The following CACNA1D variants were observed in gnomAD, a reference collection of about 807,000 sequenced individuals.
CACNA1D encodes voltage-dependent L-type calcium channel subunit alpha-1D.
In CACNA1D, 55 loss-of-function variants were observed where a neutral mutation model predicts 257.1. The observed-to-expected ratio is 0.21, with a 90% CI of 0.17 to 0.27. The LOEUF (loss-of-function observed/expected upper bound fraction) is 0.27, where lower values mean the gene tolerates loss of function less well. Among genes scored for constraint, CACNA1D ranks in the 10% least tolerant of loss-of-function variants. CACNA1D has a pLI of 1.00. For synonymous variants in CACNA1D, 980 were observed against 1,014.9 expected, an observed-to-expected ratio of 0.97 and a Z score of 0.65; for missense variants, 1,876 against 2,784.0, an observed-to-expected ratio of 0.67 and a Z score of 7.34.
chr3:53,769,526 G>C (rs1174049526), intron 30 of CACNA1D, among the ~76,000 whole-genome samples: 5 of 152,228 alleles, frequency 3.3e-5, no homozygotes, highest in Admixed American at 1.3e-4. Flanking sequence ...GTCCAAGGGG[G>C]TTTGTGGCCC....
At chr3:53,661,891 C>T (rs1416435702) in intron 5 of CACNA1D, among the ~76,000 whole-genome samples, 2 of 152,174 alleles carry the variant, frequency 1.3e-5, no homozygotes, top group African/African-American at 2.4e-5. Flanking sequence ...AACTCTCCCC[C>T]AGGTCAGCAG....
intron 32 of CACNA1D, among the ~76,000 whole-genome samples, chr3:53,771,368 A>C (rs2095365389): frequency 6.6e-6 from 1 of 152,228 alleles, no homozygotes; most frequent in South Asian, 2.1e-4. Context: ...AGCTGTCCAA[A>C]GGTATATAAA....
chr3:53,574,796 A>G (rs1265509251), intron 3 of CACNA1D, among the ~76,000 whole-genome samples: 1 of 152,110 alleles, frequency 6.6e-6, no homozygotes, highest in Non-Finnish European at 1.5e-5. Context: ...TGCTTTTGAC[A>G]CGCCAGGAAT....
At chr3:53,562,168 A>G (rs1052903778) in intron 3 of CACNA1D, among the ~76,000 whole-genome samples, 2 of 152,182 alleles carry the variant, frequency 1.3e-5, no homozygotes, top group Non-Finnish European at 2.9e-5. Context: ...GTATTTAGAA[A>G]TCTGTGGAGC....
intron 3 of CACNA1D, among the ~76,000 whole-genome samples, chr3:53,637,517 G>A (rs1482648805): frequency 6.6e-6 from 1 of 152,040 alleles, no homozygotes; most frequent in South Asian, 2.1e-4. Context: ...TAATTAACCA[G>A]CCCTTGCCAC....
At position 53,789,523 on chromosome 3, in the gene CACNA1D, G is replaced by A. The variant is rs964730626; in HGVS notation, c.4923+2571G>A. The stretch of plus-strand genomic sequence containing the variant: ...AGCAGTTAGGAAAATTTGGTGGGAC[G>A]GCAGTGGGAGAGATATACCACCAGT... On this transcript the variant is annotated intron_variant, in intron 40 of 47. Transcript: ENST00000350061. The surrounding 1 kb of genome is among the most constrained non-coding windows in gnomAD (Gnocchi z 4.2). Among the ~76,000 whole-genome samples, 1 of 152,210 alleles carries A rather than the reference G, an allele frequency of 6.6e-6. No individual in the cohort carries two copies. The highest frequency in any genetic ancestry group is 2.4e-5 in the African/African-American group (1 of 41,450).
intron 3 of CACNA1D, among the ~76,000 whole-genome samples, chr3:53,627,964 G>T (rs2093778814): frequency 6.6e-6 from 1 of 151,934 alleles, no homozygotes; most frequent in Non-Finnish European, 1.5e-5. Flanking sequence ...GGTTGTGGTG[G>T]CCCTGAGATC....
intron 3 of CACNA1D, among the ~76,000 whole-genome samples, chr3:53,596,114 G>A (rs145857674): frequency 1.1e-3 from 168 of 152,264 alleles, no homozygotes; most frequent in African/African-American, 3.8e-3. Context: ...AGTAGCGTGT[G>A]TGCTGTATCA....
Position 53,800,007 on chromosome 3 carries a change from G to A in CACNA1D, c.4924-242G>A, listed in dbSNP as rs1050369165. ...AGTGTTCCTTGGAAGTGGGGGTTTTGCAAAGGAGGTTACGGGGTTGCAGGC... is the reference window on the plus strand; with the variant it reads ...AGTGTTCCTTGGAAGTGGGGGTTTTACAAAGGAGGTTACGGGGTTGCAGGC... On this transcript the variant is annotated intron_variant, in intron 40 of 47. Coordinates refer to ENST00000350061, the MANE Select transcript of CACNA1D (RefSeq NM_001128840.3). The surrounding 1 kb of genome is among the most constrained non-coding windows in gnomAD (Gnocchi z 4.3). 4 of 572,996 alleles carry A rather than the reference G, an allele frequency of 7.0e-6. No homozygotes were observed. Among genetic ancestry groups the A allele is most frequent in the Admixed American group, 2.9e-5 (1 of 34,072 alleles). The allele number at this position is 572,996 out of a possible 1,614,324, so 35.5% of individuals were successfully genotyped here. A position where few individuals can be genotyped will look rare whatever the true frequency, so the allele number is the denominator to read the frequency against.
At position 53,800,188 on chromosome 3, in the gene CACNA1D, C is replaced by A; in HGVS notation, c.4924-61C>A. On this transcript the variant is annotated intron_variant, in intron 40 of 47. Coordinates refer to ENST00000350061, the MANE Select transcript of CACNA1D (RefSeq NM_001128840.3). This position sits in a 1 kb window ranked among gnomAD's most constrained non-coding sequence, Gnocchi z 4.3. ...GAATCAGGAAGGAGCAAAGCCAGGA[C>A]CCAGGCTGGCCCCAGGGCCCATGTG... is the stretch of plus-strand genomic sequence containing the variant. 2 of 1,204,110 alleles carry A rather than the reference C, an allele frequency of 1.7e-6. No individual in the cohort carries two copies. Among genetic ancestry groups the A allele is most frequent in the Non-Finnish European group, 2.5e-6 (2 of 805,558 alleles). The allele number at this position is 1,204,110 out of a possible 1,614,324, so 74.6% of individuals were successfully genotyped here.
intron 3 of CACNA1D, among the ~76,000 whole-genome samples, chr3:53,508,180 A>G (rs574781241): frequency 5.9e-5 from 9 of 152,202 alleles, no homozygotes; most frequent in Admixed American, 2.0e-4. Context: ...TCCGGGATAC[A>G]TGTGCAGGAT....
At chr3:53,797,227 A>G (rs1018802642) in intron 40 of CACNA1D, among the ~76,000 whole-genome samples, 2 of 152,198 alleles carry the variant, frequency 1.3e-5, no homozygotes, top group African/African-American at 4.8e-5. Flanking sequence ...GAAAAACTTC[A>G]TTACCATGTT....
chr3:53,676,199 A>G (rs1434878209), intron 8 of CACNA1D, among the ~76,000 whole-genome samples: 3 of 152,290 alleles, frequency 2.0e-5, no homozygotes, highest in East Asian at 3.9e-4. Flanking sequence ...TGTGAGCTGC[A>G]CTAGAGAGAT....
chr3:53,744,203 C>T (rs1048227325), intron 22 of CACNA1D, among the ~76,000 whole-genome samples: 30 of 151,874 alleles, frequency 2.0e-4, no homozygotes, highest in African/African-American at 7.3e-4. Flanking sequence ...CTATCACCAC[C>T]CCCACCCCAG....
At chr3:53,663,404 G>A (rs2094225344) in intron 5 of CACNA1D, among the ~76,000 whole-genome samples, 1 of 152,182 alleles carries the variant, frequency 6.6e-6, no homozygotes, top group African/African-American at 2.4e-5. Context: ...CAGCACAGTC[G>A]TGCTGAGGTC....
At position 53,746,055 on chromosome 3, in the gene CACNA1D, A is replaced by G. The variant is rs2577326; in HGVS notation, c.3167+180A>G. 0.77 allele frequency among the ~76,000 whole-genome samples: 117,346 copies of G among 151,854 alleles called. 46,511 individuals carry two copies. The highest frequency in any genetic ancestry group is 1 in the East Asian group (5,167 of 5,170). On this transcript the variant is annotated intron_variant, in intron 25 of 47. Coordinates refer to ENST00000350061, the MANE Select transcript of CACNA1D (RefSeq NM_001128840.3). ...AGGTGAAATTCACGTAACATCAACC[A>G]TTTTCAGTATACAGTTCCTTAGCAT...
intron 9 of CACNA1D, among the ~76,000 whole-genome samples, chr3:53,707,717 G>A (rs532795447): frequency 7.9e-4 from 120 of 151,958 alleles, no homozygotes; most frequent in Non-Finnish European, 1.3e-3. Context: ...AGTTAACAAT[G>A]GAGTTTTGCT....
rs1463813811 is a variant in CACNA1D at position 53,810,298 on chromosome 3, A to G, written c.6192A>G (p.Ala2064=). The G allele has an allele frequency of 2.5e-6, 4 of 1,613,434 alleles. No individual in the cohort carries two copies. The highest frequency in any genetic ancestry group is 3.4e-6 in the Non-Finnish European group (4 of 1,180,000). The change falls in exon 47 of 48, where the codon GCA becomes GCG. Residue 2064 remains alanine, a splice_region_variant and synonymous_variant. Coordinates refer to ENST00000350061, the MANE Select transcript of CACNA1D (RefSeq NM_001128840.3). ...KQRSADSLVE[A]VLISEGLGRY... is the part of the protein sequence containing the mutation. ...GGAGTGCGGACAGCTTGGTGGAGGC[A>G]GTGAGTACGGTTCTTGGCCGTGGTG... is the stretch of plus-strand genomic sequence containing the variant.
At chr3:53,499,192 C>G (rs1256260098) in intron 2 of CACNA1D, among the ~76,000 whole-genome samples, 1 of 152,174 alleles carries the variant, frequency 6.6e-6, no homozygotes, top group Non-Finnish European at 1.5e-5. Context: ...GCTGCTGTCT[C>G]CCTTTTCCAG....
Sources: allele counts gnomAD v4.1 joint callset (sites outside exome capture counted in the v4.1 genomes callset), GRCh38; gene constraint gnomAD v4.1.1; non-coding constraint Gnocchi (gnomAD v3.1); transcripts MANE v1.5; gene names NCBI Gene and HGNC (gene_info 2026-07-23, HGNC 2026-07-21).